The following NLRP3 variants were observed in gnomAD, a reference collection of about 807,000 sequenced individuals.
The protein encoded by NLRP3 is NLR family pyrin domain containing 3, also known as NACHT, LRR and PYD domains-containing protein 3.
NLRP3 carries 48 observed loss-of-function variants against 91.3 expected under a neutral mutation model. The observed-to-expected ratio is 0.53, with a 90% confidence interval of 0.42 to 0.67. The LOEUF (loss-of-function observed/expected upper bound fraction) is 0.67, where lower values mean the gene tolerates loss of function less well. Among genes scored for constraint, NLRP3 ranks in the 30% least tolerant of loss-of-function variants. The pLI, the probability that NLRP3 is intolerant of heterozygous loss-of-function variation, is 0.00. For missense variants in NLRP3, 982 were observed against 1,276.9 expected (o/e 0.77, Z 3.52); for synonymous variants, 561 against 507.9 (o/e 1.10, Z -1.41).
chr1:247,422,564 T>C (rs1055132513), intron 2 of NLRP3, among the ~76,000 whole-genome samples: 1 of 152,138 alleles, frequency 6.6e-6, no homozygotes. Flanking sequence ...CAGATGCATG[T>C]TGGAATCACC....
In NLRP3 at chr1:247,448,793, T is replaced by C. The variant is rs1664767449; in HGVS notation, c.*289T>C. ...TTGGTGACCTCATGTAATTAGCTCATTCAATAAAGCACTTTCTTTATTTTT... is the reference window on the plus strand; with the variant it reads ...TTGGTGACCTCATGTAATTAGCTCACTCAATAAAGCACTTTCTTTATTTTT... On this transcript the variant is annotated 3_prime_UTR_variant, in exon 10 of 10. Coordinates refer to ENST00000336119, the MANE Select transcript of NLRP3 (RefSeq NM_001243133.2). 1 of 451,120 alleles carries C rather than the reference T, an allele frequency of 2.2e-6. No homozygotes were observed. The highest frequency in any genetic ancestry group is 3.5e-5 in the Admixed American group (1 of 28,434). The allele number at this position is 451,120 out of a possible 1,614,324, so 27.9% of individuals were successfully genotyped here.
At chr1:247,420,647 G>T (rs1036495052) in intron 2 of NLRP3, among the ~76,000 whole-genome samples, 38 of 152,180 alleles carry the variant, frequency 2.5e-4, no homozygotes, top group African/African-American at 8.9e-4. Context: ...AACATGGGGA[G>T]TGGAGGTTGC....
Position 247,425,766 on chromosome 1 carries a change from GTA to G in NLRP3, c.2150+169_2150+170del, listed in dbSNP as rs1662830690. 1.5e-6 allele frequency: 1 copy of G among 660,318 alleles called. No individual in the cohort carries two copies. Among genetic ancestry groups the G allele is most frequent in the Non-Finnish European group, 2.6e-6 (1 of 378,698 alleles). The allele number at this position is 660,318 out of a possible 1,614,324, so 40.9% of individuals were successfully genotyped here. ...GACTCCTTCATGAGCAAAGATTGAT[GTA>G]TGGTAGGTGGATAAATGGGATGAGG... is the stretch of plus-strand genomic sequence containing the variant. On this transcript the variant is annotated intron_variant, in intron 4 of 9. Transcript: ENST00000336119. This position sits in a 1 kb window ranked among gnomAD's most constrained non-coding sequence, Gnocchi z 4.1.
intron 9 of NLRP3, among the ~76,000 whole-genome samples, chr1:247,446,137 T>A (rs759410044): frequency 6.6e-6 from 1 of 152,182 alleles, no homozygotes; most frequent in African/African-American, 2.4e-5. Flanking sequence ...TTTTTCCTTA[T>A]AATCATGTCC....
At chr1:247,430,158 G>A (rs1663204966) in intron 5 of NLRP3, among the ~76,000 whole-genome samples, 1 of 152,204 alleles carries the variant, frequency 6.6e-6, no homozygotes. Flanking sequence ...TTACAGGCAT[G>A]AGCCACCGCA....
At chr1:247,435,660 G>A (rs1476887624) in intron 6 of NLRP3, among the ~76,000 whole-genome samples, 1 of 152,198 alleles carries the variant, frequency 6.6e-6, no homozygotes, top group Non-Finnish European at 1.5e-5. Context: ...GCACAACAAT[G>A]TGAAGTGCTT....
At chr1:247,441,697 A>T (rs897829144) in intron 7 of NLRP3, among the ~76,000 whole-genome samples, 2 of 152,220 alleles carry the variant, frequency 1.3e-5, no homozygotes, top group Non-Finnish European at 2.9e-5. Context: ...CTCTAATCCA[A>T]GGATTGGTTG....
rs2103111639 is a variant in NLRP3 at position 247,425,048 on chromosome 1, G to T, written c.1599G>T (p.Leu533=). 6.2e-7 allele frequency: 1 copy of T among 1,614,194 alleles called. No homozygotes were observed. The highest frequency in any genetic ancestry group is 8.5e-7 in the Non-Finnish European group (1 of 1,180,040). Residue 533 remains leucine (L), a synonymous_variant, in exon 4 of 10, where the codon CTG becomes CTT. Coordinates refer to ENST00000336119, the MANE Select transcript of NLRP3 (RefSeq NM_001243133.2). The surrounding 1 kb of genome is among the most constrained non-coding windows in gnomAD (Gnocchi z 4.1). ...FQEFFAAMYY[L]LEEEKEGRTN... ...AGTTCTTTGCCGCCATGTACTACCT[G>T]CTGGAAGAGGAAAAGGAAGGAAGGA...
At chr1:247,433,392 G>C (rs917391536) in intron 5 of NLRP3, among the ~76,000 whole-genome samples, 3 of 152,198 alleles carry the variant, frequency 2.0e-5, no homozygotes, top group African/African-American at 4.8e-5. Context: ...AGGAACACGA[G>C]GGAAGGAGGT....
Position 247,418,975 on chromosome 1 carries a change from T to C in NLRP3, c.175T>C (p.Phe59Leu). 6.2e-7 allele frequency: 1 copy of C among 1,614,100 alleles called. No individual in the cohort carries two copies. Among genetic ancestry groups the C allele is most frequent in the South Asian group, 1.1e-5 (1 of 91,072 alleles). ...GGATCTAGCCACGCTAATGATCGAC[T>C]TCAATGGGGAGGAGAAGGCGTGGGC... is the stretch of plus-strand genomic sequence containing the variant. ...HVDLATLMID[F>L]NGEEKAWAMA... The change falls in exon 2 of 10, where the codon TTC (phenylalanine) becomes CTC (leucine). Residue 59 changes from phenylalanine (F) to leucine (L), a missense_variant. By Grantham distance (22) the Phe-to-Leu change is conservative. This residue lies in a region of NLRP3 where 548 missense variants were observed against 713.7 expected (regional missense o/e 0.77). Transcript: ENST00000336119.
intron 7 of NLRP3, among the ~76,000 whole-genome samples, chr1:247,437,490 G>A (rs1420716553): frequency 1.3e-5 from 2 of 152,134 alleles, no homozygotes; most frequent in Admixed American, 1.3e-4. Context: ...TTCCTGCAGT[G>A]CCTTCATTTC....
intron 7 of NLRP3, among the ~76,000 whole-genome samples, chr1:247,437,886 A>G (rs1320018570): frequency 6.6e-6 from 1 of 152,246 alleles, no homozygotes; most frequent in East Asian, 1.9e-4. Context: ...AGGAGCCGGA[A>G]GAGCCCTCCA....
intron 6 of NLRP3, 102 bp from the exon 7 acceptor site, chr1:247,435,868 T>C (rs1027959098): frequency 1.9e-6 from 2 of 1,057,548 alleles, no homozygotes; most frequent in Non-Finnish European, 1.5e-6. Context: ...TCCCTTTCCA[T>C]GTGTAAACTG....
At chr1:247,417,704 T>C (rs1015704337) in intron 1 of NLRP3, among the ~76,000 whole-genome samples, 4 of 152,170 alleles carry the variant, frequency 2.6e-5, no homozygotes, top group African/African-American at 9.7e-5. Context: ...GAGCCTGGTC[T>C]CCAACTCCTG....
In NLRP3 at chr1:247,425,072, G is replaced by C. The variant is rs756547568; in HGVS notation, c.1623G>C (p.Arg541Ser). 1 of 1,614,032 alleles carries C rather than the reference G, an allele frequency of 6.2e-7. No homozygotes were observed. Among genetic ancestry groups the C allele is most frequent in the African/African-American group, 1.3e-5 (1 of 74,916 alleles). ...TGCTGGAAGAGGAAAAGGAAGGAAG[G>C]ACGAACGTTCCAGGGAGTCGTTTGA... ...YYLLEEEKEG[R>S]TNVPGSRLKL... Residue 541 changes from arginine (R) to serine (S), a missense_variant, in exon 4 of 10, where the codon AGG becomes AGC. By Grantham distance (110) the Arg-to-Ser change is moderately radical (BLOSUM62 -1). Coordinates refer to ENST00000336119, the MANE Select transcript of NLRP3 (RefSeq NM_001243133.2). This position sits in a 1 kb window ranked among gnomAD's most constrained non-coding sequence, Gnocchi z 4.1.
intron 7 of NLRP3, among the ~76,000 whole-genome samples, chr1:247,438,351 TG>T (rs1320300567): frequency 6.7e-6 from 1 of 149,528 alleles, no homozygotes; most frequent in Non-Finnish European, 1.5e-5. Context: ...TCCTGTGGTC[TG>T]GGGATTTCAC....
At position 247,436,045 on chromosome 1, in the gene NLRP3, C is replaced by G; in HGVS notation, c.2568C>G (p.Thr856=). 6.2e-7 allele frequency: 1 copy of G among 1,614,138 alleles called. No individual in the cohort carries two copies. Among genetic ancestry groups the G allele is most frequent in the African/African-American group, 1.3e-5 (1 of 75,020 alleles). ...TATTGAGCACCAGCCATTCCCTGAC[C>G]AGACTCTATGTGGGGGAGAATGCCT... ...ASVLSTSHSL[T]RLYVGENALG... Residue 856 remains threonine (T), a synonymous_variant, in exon 7 of 10, where the codon ACC becomes ACG. Transcript: ENST00000336119.
chr1:247,428,818 A>T (rs555448389), intron 4 of NLRP3, among the ~76,000 whole-genome samples: 2 of 152,012 alleles, frequency 1.3e-5, no homozygotes, highest in African/African-American at 2.4e-5. Flanking sequence ...AAAAAAATTT[A>T]AAAAATTCAT....
intron 1 of NLRP3, among the ~76,000 whole-genome samples, chr1:247,417,537 A>G (rs2103079478): frequency 1.3e-5 from 2 of 152,058 alleles, no homozygotes; most frequent in South Asian, 2.1e-4. Context: ...GCTGGAGTGC[A>G]GTGGTGTGAT....
Sources: allele counts gnomAD v4.1 joint callset (sites outside exome capture counted in the v4.1 genomes callset), GRCh38; gene constraint gnomAD v4.1.1; regional missense constraint gnomAD v4.1.1; non-coding constraint Gnocchi (gnomAD v3.1); transcripts MANE v1.5; gene names NCBI Gene and HGNC (gene_info 2026-07-23, HGNC 2026-07-21).